Variants in ARHGAP6 observed in about 807,000 individuals in gnomAD.
ARHGAP6 encodes the protein rho GTPase-activating protein 6.
ARHGAP6 carries 16 observed loss-of-function variants against 55.7 expected under a neutral mutation model. The ratio of observed to expected loss-of-function variants is 0.29; its 90% CI spans 0.19 to 0.44. ARHGAP6 has a LOEUF of 0.44. ARHGAP6 is among the 20% of genes least tolerant of loss of function. The pLI is 1.00. For missense variants in ARHGAP6, 698 were observed against 808.9 expected, an observed-to-expected ratio of 0.86 and a Z score of 1.66; for synonymous variants, 382 against 360.9, an observed-to-expected ratio of 1.06 and a Z score of -0.66.
chrX:11,227,734 G>A (rs886787959), intron 2 of ARHGAP6, among the ~76,000 whole-genome samples: 9 of 109,335 alleles, frequency 8.2e-5, no homozygotes, highest in African/African-American at 2.7e-4. Context: ...GGAACTCACC[G>A]TTACTCCCAT....
At chrX:11,663,056 AC>A (rs2052718221) in intron 1 of ARHGAP6, among the ~76,000 whole-genome samples, 1 of 112,019 alleles carries the variant, frequency 8.9e-6, no homozygotes, top group African/African-American at 3.2e-5. Context: ...TGTAATCTGC[AC>A]CCCCAACACC....
intron 1 of ARHGAP6, among the ~76,000 whole-genome samples, chrX:11,401,459 G>T (rs950640641): frequency 3.6e-5 from 4 of 111,696 alleles, no homozygotes; most frequent in Non-Finnish European, 1.9e-5. Flanking sequence ...TTTGCTGTAG[G>T]GGCTGTTCTG....
intron 1 of ARHGAP6, among the ~76,000 whole-genome samples, chrX:11,544,769 G>A (rs2051195468): frequency 8.9e-6 from 1 of 111,960 alleles, no homozygotes; most frequent in South Asian, 3.7e-4. Context: ...TCAGAACCCA[G>A]CCTGTTTTGA....
chrX:11,306,068 T>TCA (rs1009885705), intron 1 of ARHGAP6, among the ~76,000 whole-genome samples: 1 of 111,282 alleles, frequency 9.0e-6, no homozygotes, highest in African/African-American at 3.3e-5. Context: ...TCAGTGACCC[T>TCA]CACCTCAATG....
intron 1 of ARHGAP6, among the ~76,000 whole-genome samples, chrX:11,411,192 T>TATATATATATATAC (rs1173646892): frequency 4.7e-5 from 3 of 63,755 alleles, no homozygotes; most frequent in African/African-American, 2.1e-4. Flanking sequence ...TTTATATATA[T>TATATATATATATAC]ATATATATAT....
intron 9 of ARHGAP6, among the ~76,000 whole-genome samples, chrX:11,157,877 T>A (rs2045883199): frequency 8.9e-6 from 1 of 112,207 alleles, no homozygotes; most frequent in African/African-American, 3.2e-5. Flanking sequence ...CCTTCATTAA[T>A]GACATTGCCA....
At chrX:11,507,217 A>G (rs898769784) in intron 1 of ARHGAP6, among the ~76,000 whole-genome samples, 11 of 110,509 alleles carry the variant, frequency 1.0e-4, no homozygotes, top group African/African-American at 3.6e-4. Flanking sequence ...GAGGTTTGTG[A>G]CTCTGTGACC....
intron 1 of ARHGAP6, among the ~76,000 whole-genome samples, chrX:11,366,703 T>C (rs1344034817): frequency 2.7e-5 from 3 of 112,046 alleles, no homozygotes; most frequent in African/African-American, 9.7e-5. Flanking sequence ...ATGAGTTTCC[T>C]TTGAGTCTTG....
At chrX:11,570,099 G>T (rs906635967) in intron 1 of ARHGAP6, among the ~76,000 whole-genome samples, 3 of 111,927 alleles carry the variant, frequency 2.7e-5, no homozygotes, top group African/African-American at 9.7e-5. Flanking sequence ...CAGGTTGAGA[G>T]GATGACTTTG....
intron 1 of ARHGAP6, among the ~76,000 whole-genome samples, chrX:11,576,331 C>G (rs2051598162): frequency 8.9e-6 from 1 of 111,905 alleles, no homozygotes; most frequent in Admixed American, 9.5e-5. Flanking sequence ...TATTTATATA[C>G]TTGATGCTTT....
At chrX:11,255,458 A>T (rs1029912173) in intron 1 of ARHGAP6, among the ~76,000 whole-genome samples, 12 of 110,743 alleles carry the variant, frequency 1.1e-4, no homozygotes, top group Non-Finnish European at 2.3e-4. Context: ...TATACTTATG[A>T]CATATTATAT....
intron 1 of ARHGAP6, among the ~76,000 whole-genome samples, chrX:11,338,126 C>T: frequency 9.0e-6 from 1 of 111,237 alleles, no homozygotes; most frequent in East Asian, 2.8e-4. Context: ...ACATCTCCCA[C>T]TATGCCCCAC....
At chrX:11,197,127 A>C (rs765198669) in intron 2 of ARHGAP6, 131 bp from the exon 3 acceptor site, 2 of 431,201 alleles carry the variant, frequency 4.6e-6, no homozygotes, top group Non-Finnish European at 8.0e-6. Flanking sequence ...TAAGCAGAGT[A>C]ACAGCTCTGA....
intron 1 of ARHGAP6, among the ~76,000 whole-genome samples, chrX:11,519,301 T>A (rs1196768590): frequency 9.1e-6 from 1 of 109,456 alleles, no homozygotes; most frequent in Non-Finnish European, 1.9e-5. Flanking sequence ...CACCTGTTGT[T>A]TCCTGACTTT....
intron 1 of ARHGAP6, among the ~76,000 whole-genome samples, chrX:11,414,974 A>T (rs966005828): frequency 1.8e-5 from 2 of 111,719 alleles, no homozygotes; most frequent in Non-Finnish European, 1.9e-5. Context: ...ACTATAGTTA[A>T]TAACAATGTA....
intron 1 of ARHGAP6, among the ~76,000 whole-genome samples, chrX:11,611,432 G>A (rs912669340): frequency 4.5e-5 from 5 of 111,757 alleles, no homozygotes; most frequent in East Asian, 2.8e-4. Flanking sequence ...ATGAGAAAAA[G>A]TTATCCAGCA....
intron 10 of ARHGAP6, among the ~76,000 whole-genome samples, chrX:11,149,882 C>T: frequency 9.0e-6 from 1 of 111,568 alleles, no homozygotes; most frequent in South Asian, 3.7e-4. Flanking sequence ...TTTTTTCAGA[C>T]TAGTACAGAT....
At chrX:11,605,667 A>T (rs767793867) in intron 1 of ARHGAP6, among the ~76,000 whole-genome samples, 2 of 111,612 alleles carry the variant, frequency 1.8e-5, no homozygotes, top group Non-Finnish European at 3.8e-5. Context: ...TCTAATCTGG[A>T]TGTCCCAGGA....
intron 1 of ARHGAP6, among the ~76,000 whole-genome samples, chrX:11,479,527 T>G (rs1456659786): frequency 8.9e-6 from 1 of 112,056 alleles, no homozygotes; most frequent in Non-Finnish European, 1.9e-5. Flanking sequence ...TTTTCAAACT[T>G]AGAACTCTTT....
Sources: allele counts gnomAD v4.1 joint callset (sites outside exome capture counted in the v4.1 genomes callset), GRCh38; gene constraint gnomAD v4.1.1; transcripts MANE v1.5; gene names NCBI Gene and HGNC (gene_info 2026-07-23, HGNC 2026-07-21).